The following NAF1 variants were observed in gnomAD, a reference collection of about 807,000 sequenced individuals.
NAF1 encodes the protein nuclear assembly factor 1 ribonucleoprotein, also known as H/ACA ribonucleoprotein complex non-core subunit NAF1.
Under a neutral mutation model 40.6 loss-of-function variants are expected in NAF1, and 11 were observed. The ratio of observed to expected loss-of-function variants is 0.27; its 90% CI spans 0.17 to 0.45. NAF1 has a LOEUF of 0.45. Among genes scored for constraint, NAF1 ranks in the 20% least tolerant of loss-of-function variants. The pLI, the probability that NAF1 is intolerant of heterozygous loss-of-function variation, is 1.00. For missense variants in NAF1, 607 were observed against 611.1 expected (o/e 0.99, Z 0.07); for synonymous variants, 260 against 228.5 (o/e 1.14, Z -1.24).
intron 2 of NAF1, among the ~76,000 whole-genome samples, chr4:163,121,016 C>T (rs145610548): frequency 1.4e-3 from 220 of 152,042 alleles, no homozygotes; most frequent in African/African-American, 4.8e-3. Context: ...CTCAGACTCC[C>T]GAGTAGCTGG....
At chr4:163,122,237 T>C (rs73864945), downstream of NAF1, among the ~76,000 whole-genome samples, 791 of 152,300 alleles carry the variant, frequency 5.2e-3, 4 homozygotes, top group African/African-American at 0.018. Flanking sequence ...AGCTTAAAAT[T>C]ATAGCAAACT....
At chr4:163,163,936 ATCT>A (rs1732334842) in intron 2 of NAF1, among the ~76,000 whole-genome samples, 1 of 152,172 alleles carries the variant, frequency 6.6e-6, no homozygotes, top group Non-Finnish European at 1.5e-5. Flanking sequence ...CATAAGAAAT[ATCT>A]TCTTCTAGGG....
chr4:163,119,724 A>G (rs1033144363), intron 2 of NAF1: 3 of 152,236 alleles, frequency 2.0e-5, no homozygotes, highest in African/African-American at 7.2e-5. Flanking sequence ...ACGGAAAGTA[A>G]TATACTCCAC....
chr4:163,119,639 G>A (rs1237249504), intron 2 of NAF1: 1 of 152,146 alleles, frequency 6.6e-6, no homozygotes, highest in Non-Finnish European at 1.5e-5. Context: ...ATGTCTTCCA[G>A]CTATCTTCTA....
At chr4:163,153,417 C>T (rs893081530) in intron 2 of NAF1, among the ~76,000 whole-genome samples, 3 of 152,174 alleles carry the variant, frequency 2.0e-5, no homozygotes, top group African/African-American at 7.2e-5. Flanking sequence ...GTGCACCAAT[C>T]GACACTCTGT....
At chr4:163,145,951 T>A in intron 3 of NAF1, 87 bp from the exon 4 acceptor site, 2 of 704,630 alleles carry the variant, frequency 2.8e-6, no homozygotes, top group Non-Finnish European at 4.6e-6. Context: ...TCCAACATAA[T>A]TTAAAAAAAA....
downstream of NAF1, among the ~76,000 whole-genome samples, chr4:163,107,621 T>TA (rs1020706125): frequency 2.6e-5 from 4 of 152,234 alleles, no homozygotes; most frequent in East Asian, 1.9e-4. Context: ...TCGACTATTT[T>TA]AAAAAAATGG....
At chr4:163,132,576 G>A (rs973121090) in intron 7 of NAF1, among the ~76,000 whole-genome samples, 1 of 152,212 alleles carries the variant, frequency 6.6e-6, no homozygotes. Context: ...GGGGCTGAGA[G>A]GTAAGGACGT....
At chr4:163,108,567 C>G (rs1281059574), downstream of NAF1, among the ~76,000 whole-genome samples, 2 of 152,144 alleles carry the variant, frequency 1.3e-5, no homozygotes, top group African/African-American at 2.4e-5. Flanking sequence ...TGTTTTTTCA[C>G]TTAGTCAAAA....
rs1012241410 is a variant in NAF1, at chr4:163,146,965, C to T, written c.635-1101G>A. Among the ~76,000 whole-genome samples the T allele has an allele frequency of 2.0e-5, 3 of 151,964 alleles. 1 individual carries two copies. The highest frequency in any genetic ancestry group is 4.4e-5 in the Non-Finnish European group (3 of 67,986). On this transcript the variant is annotated intron_variant, in intron 3 of 7. Coordinates refer to ENST00000274054, the MANE Select transcript of NAF1 (RefSeq NM_138386.3). ...AGTTTACATTTATTTTTTTGAGGATCAACATTATGACCTAAAATTTTTCTG... is the reference window on the plus strand; with the variant it reads ...AGTTTACATTTATTTTTTTGAGGATTAACATTATGACCTAAAATTTTTCTG...
chr4:163,153,205 C>A (rs1356837238), intron 2 of NAF1, among the ~76,000 whole-genome samples: 2 of 152,330 alleles, frequency 1.3e-5, no homozygotes, highest in South Asian at 4.1e-4. Flanking sequence ...CGAGTCCCAT[C>A]GACCACCCAA....
rs1296550785 is a variant in NAF1 at position 163,166,471 on chromosome 4, G to A, written c.257C>T (p.Pro86Leu). ...GTCTCCGCAGGCCGGCGATTCAGCC[G>A]GTGGCTGTGGCTGCGGCGCCGGGGT... The part of the protein sequence containing the change: ...AGTPAPQPQP[P>L]AESPACGDCV... The change falls in exon 1 of 8, where the codon CCG (proline) becomes CTG (leucine). Residue 86 changes from proline to leucine, a missense_variant. By Grantham distance (98) the Pro-to-Leu change is moderately conservative. This residue lies in a region of NAF1 where 407 missense variants were observed against 365.5 expected (regional missense o/e 1.11). Coordinates refer to ENST00000274054, the MANE Select transcript of NAF1 (RefSeq NM_138386.3). The A allele has an allele frequency of 8.1e-6, 13 of 1,603,406 alleles. No homozygotes were observed. Among genetic ancestry groups the A allele is most frequent in the African/African-American group, 4.0e-5 (3 of 74,668 alleles).
At chr4:163,147,988 G>T (rs1240717677) in intron 3 of NAF1, among the ~76,000 whole-genome samples, 3 of 152,056 alleles carry the variant, frequency 2.0e-5, no homozygotes, top group East Asian at 1.9e-4. Context: ...TAACACCTTT[G>T]ATTTTAAGCC....
chr4:163,140,780 A>C (rs1731230906), intron 4 of NAF1, among the ~76,000 whole-genome samples: 1 of 152,262 alleles, frequency 6.6e-6, no homozygotes, highest in Non-Finnish European at 1.5e-5. Context: ...TGGAATCATC[A>C]GATGGGAAAT....
At chr4:163,152,734 C>T (rs935356789) in intron 2 of NAF1, among the ~76,000 whole-genome samples, 2 of 152,258 alleles carry the variant, frequency 1.3e-5, no homozygotes, top group African/African-American at 4.8e-5. Flanking sequence ...GCCTATGCTC[C>T]CACTTTGGCG....
intron 4 of NAF1, among the ~76,000 whole-genome samples, chr4:163,145,444 G>GA (rs1731423531): frequency 6.6e-6 from 1 of 152,178 alleles, no homozygotes; most frequent in Non-Finnish European, 1.5e-5. Flanking sequence ...ACTATACTAT[G>GA]GGAAGTCTTC....
chr4:163,141,934 T>C (rs1731277860), intron 4 of NAF1: 3 of 981,860 alleles, frequency 3.1e-6, no homozygotes, highest in South Asian at 4.7e-5. Context: ...AGCTCACCTA[T>C]CAGGGCACCA....
At chr4:163,148,592 T>C (rs1731571017) in intron 2 of NAF1, among the ~76,000 whole-genome samples, 158 bp from the exon 3 acceptor site, 1 of 152,218 alleles carries the variant, frequency 6.6e-6, no homozygotes, top group Admixed American at 6.5e-5. Flanking sequence ...AGACTTGTGA[T>C]AGCACTTCTC....
chr4:163,113,733 T>C (rs1038555745), intron 2 of NAF1, among the ~76,000 whole-genome samples: 1 of 152,220 alleles, frequency 6.6e-6, no homozygotes, highest in Non-Finnish European at 1.5e-5. Context: ...TTAGTAGAAA[T>C]CAAATCAATG....
Sources: gnomAD v4.1 joint callset for allele counts (sites outside exome capture counted in the v4.1 genomes callset) on GRCh38, gnomAD v4.1.1 for gene constraint, gnomAD v4.1.1 regional missense constraint, MANE v1.5 for transcripts, NCBI Gene and HGNC (gene_info 2026-07-23, HGNC 2026-07-21) for gene names.